The following CUX1 variants were observed in gnomAD, a reference collection of about 807,000 sequenced individuals.
The protein encoded by CUX1 is protein CASP.
CUX1 carries 31 observed loss-of-function variants against 158.8 expected under a neutral mutation model. That is an observed-to-expected ratio of 0.20 (90% confidence interval 0.15 to 0.26). The LOEUF is 0.26. Ranked by LOEUF, CUX1 falls within the 10% of genes least tolerant of loss-of-function variation. The pLI, the probability that CUX1 is intolerant of heterozygous loss-of-function variation, is 1.00. For synonymous variants in CUX1, 879 were observed against 862.1 expected (o/e 1.02, Z -0.34); for missense variants, 1,589 against 2,014.6 (o/e 0.79, Z 4.04).
intron 11 of CUX1, among the ~76,000 whole-genome samples, chr7:102,181,373 T>C (rs573051493): frequency 2.0e-5 from 3 of 152,332 alleles, no homozygotes; most frequent in South Asian, 4.1e-4. Context: ...AACGGCATTA[T>C]GATGAGATAA....
In CUX1 at chr7:102,253,125, C is replaced by T. The variant is rs1421052580; in HGVS notation, c.*4083C>T. On this transcript the variant is annotated 3_prime_UTR_variant, in exon 24 of 24. Transcript: ENST00000292535. ...TCCCTGCTCAGTTTCCTTCCTGTCG[C>T]CATCTTTGTTTTCTTCCCATTGAAA... 1.0e-6 allele frequency: 1 copy of T among 985,550 alleles called. No individual in the cohort carries two copies. Among genetic ancestry groups the T allele is most frequent in the Non-Finnish European group, 1.2e-6 (1 of 829,998 alleles). The allele number at this position is 985,550 out of a possible 1,614,324, so 61.1% of individuals were successfully genotyped here. A position where few individuals can be genotyped will look rare whatever the true frequency, so the allele number is the denominator to read the frequency against.
chr7:101,962,356 T>C (rs944249437), intron 2 of CUX1, among the ~76,000 whole-genome samples: 3 of 152,224 alleles, frequency 2.0e-5, no homozygotes, highest in Non-Finnish European at 4.4e-5. Context: ...CTCAAATCGC[T>C]CTACCCTTTC....
chr7:101,977,826 T>G (rs1478643723), intron 2 of CUX1, among the ~76,000 whole-genome samples: 1 of 152,028 alleles, frequency 6.6e-6, no homozygotes, highest in Admixed American at 6.6e-5. Flanking sequence ...AGCCAAGAAC[T>G]AGGAATTTCA....
intron 20 of CUX1, among the ~76,000 whole-genome samples, chr7:102,215,371 A>G (rs1186508512): frequency 1.3e-5 from 2 of 151,702 alleles, no homozygotes; most frequent in Admixed American, 6.6e-5. Flanking sequence ...CTGATGTATG[A>G]TAATTACTGA....
At chr7:102,202,528 A>C (rs901502579) in intron 18 of CUX1, among the ~76,000 whole-genome samples, 1 of 152,036 alleles carries the variant, frequency 6.6e-6, no homozygotes, top group East Asian at 1.9e-4. Context: ...GACGTTAACT[A>C]CTTGCCCCAA....
At chr7:101,858,395 A>G (rs1350408355) in intron 1 of CUX1, among the ~76,000 whole-genome samples, 4 of 152,106 alleles carry the variant, frequency 2.6e-5, no homozygotes, top group Non-Finnish European at 5.9e-5. Context: ...CCCTTCTCAG[A>G]GGAGCCATCC....
At chr7:102,198,085 T>G (rs1554518863) in intron 15 of CUX1, among the ~76,000 whole-genome samples, 1 of 152,096 alleles carries the variant, frequency 6.6e-6, no homozygotes, top group Admixed American at 6.6e-5. Context: ...TTTTGTAATC[T>G]TTTGATCTAC....
At chr7:102,088,438 G>C (rs952578208) in intron 4 of CUX1, among the ~76,000 whole-genome samples, 1 of 152,108 alleles carries the variant, frequency 6.6e-6, no homozygotes, top group East Asian at 1.9e-4. Flanking sequence ...CTGGAGACCA[G>C]CCTGGCCAAT....
At chr7:102,154,910 G>A (rs1836100223) in intron 8 of CUX1, among the ~76,000 whole-genome samples, 3 of 152,136 alleles carry the variant, frequency 2.0e-5, no homozygotes, top group Non-Finnish European at 1.5e-5. Context: ...TCACCAGCCG[G>A]ACCAGTCCCC....
intron 8 of CUX1, chr7:102,153,368 G>A (rs1215409317): frequency 2.0e-5 from 3 of 152,354 alleles, no homozygotes; most frequent in Admixed American, 6.5e-5. Flanking sequence ...CAGGTCGCAA[G>A]TGAGGAGTGG....
At position 102,192,045 on chromosome 7, in the gene CUX1, C is replaced by T. The variant is rs1347819646; in HGVS notation, c.1077-1797C>T. ...CCACCATGTGCACATCTGGAAGCCC[C>T]ACTCAGGTGGCTTCTTTGCCCAAAT... is the stretch of plus-strand genomic sequence containing the variant. On this transcript the variant is annotated intron_variant, in intron 12 of 23. Coordinates refer to ENST00000292535, the MANE Select transcript of CUX1 (RefSeq NM_181552.4). Among the ~76,000 whole-genome samples, 4 of 152,202 alleles carry T rather than the reference C, an allele frequency of 2.6e-5. No homozygotes were observed. The East Asian group carries it at 7.7e-4, about 29-fold the overall frequency.
Position 102,217,801 on chromosome 7 carries a change from C to T in CUX1, c.3131-9566C>T, listed in dbSNP as rs1453159802. 5.0e-3 allele frequency among the ~76,000 whole-genome samples: 656 copies of T among 130,946 alleles called. 1 individual carries two copies. Among genetic ancestry groups the T allele is most frequent in the African/African-American group, 0.022 (601 of 27,120 alleles). 85.9% of individuals were successfully genotyped at this position (130,946 alleles called of 152,430 possible). On this transcript the variant is annotated intron_variant, in intron 20 of 23. Transcript: ENST00000292535. ...GAGGGAGGGAGGCTCTGGATGGACA[C>T]GATGGTGTCTAGAGGGAGGGAGGAT...
chr7:101,946,700 A>G (rs913518673), intron 2 of CUX1, among the ~76,000 whole-genome samples: 6 of 152,114 alleles, frequency 3.9e-5, no homozygotes, highest in Admixed American at 3.9e-4. Flanking sequence ...ACTCACTGCT[A>G]AGCCTTTCAG....
In CUX1 at chr7:102,251,088, A is replaced by T. The variant is rs1801462202; in HGVS notation, c.*2046A>T. On this transcript the variant is annotated 3_prime_UTR_variant, in exon 24 of 24. Transcript: ENST00000292535. ...CTGCCGGCAGTATTGGGTATAATTTACAAGATGTAGTTGTCATACTGTATA... is the reference window on the plus strand; with the variant it reads ...CTGCCGGCAGTATTGGGTATAATTTTCAAGATGTAGTTGTCATACTGTATA... 1.0e-6 allele frequency: 1 copy of T among 985,254 alleles called. No homozygotes were observed. The highest frequency in any genetic ancestry group is 1.2e-6 in the Non-Finnish European group (1 of 829,902). 61.0% of individuals were successfully genotyped at this position (985,254 alleles called of 1,614,324 possible).
rs564385716 is a variant in CUX1 at position 102,068,083 on chromosome 7, T to TTTG, written c.190-2238_190-2236dup. Among the ~76,000 whole-genome samples the TTTG allele has an allele frequency of 6.3e-4, 95 of 151,730 alleles. 1 individual carries two copies. The South Asian group carries it at 0.011, about 17-fold the overall frequency. ...CAACACCAAATTCACAACCTTGTTT[T>TTTG]TTGTTGTTGTTGTTGTTGTTTAATT... On this transcript the variant is annotated intron_variant, in intron 3 of 23. Coordinates refer to ENST00000292535, the MANE Select transcript of CUX1 (RefSeq NM_181552.4).
chr7:102,000,962 G>T (rs1354225395), intron 2 of CUX1, among the ~76,000 whole-genome samples: 6 of 152,122 alleles, frequency 3.9e-5, no homozygotes, highest in African/African-American at 1.4e-4. Flanking sequence ...TATTTTTGTA[G>T]AGGTGGGGTA....
At chr7:101,981,899 C>T (rs1315665119) in intron 2 of CUX1, among the ~76,000 whole-genome samples, 7 of 152,150 alleles carry the variant, frequency 4.6e-5, no homozygotes, top group African/African-American at 4.8e-5. Context: ...CGTGAGCCAC[C>T]GCACCTGGCC....
chr7:101,954,990 G>A (rs1475825958), intron 2 of CUX1, among the ~76,000 whole-genome samples: 1 of 152,118 alleles, frequency 6.6e-6, no homozygotes, highest in Non-Finnish European at 1.5e-5. Flanking sequence ...GGCCAACATG[G>A]TGAGACCCTG....
At chr7:102,131,171 T>C (rs201527) in intron 8 of CUX1, among the ~76,000 whole-genome samples, 95,114 of 151,066 alleles carry the variant, frequency 0.63, 31,506 homozygotes, top group African/African-American at 0.8. Flanking sequence ...TGACCGGCTG[T>C]TCTGCGGTTT....
Sources: allele counts gnomAD v4.1 joint callset (sites outside exome capture counted in the v4.1 genomes callset), GRCh38; gene constraint gnomAD v4.1.1; transcripts MANE v1.5; gene names NCBI Gene and HGNC (gene_info 2026-07-23, HGNC 2026-07-21).